Variants in MYO1D observed in about 807,000 individuals in gnomAD.
The protein encoded by MYO1D is unconventional myosin-Id.
MYO1D carries 83 observed loss-of-function variants against 122.0 expected under a neutral mutation model. The ratio of observed to expected loss-of-function variants is 0.68; its 90% CI spans 0.57 to 0.82. The LOEUF is 0.82. Ranked by LOEUF, MYO1D falls within the 40% of genes least tolerant of loss-of-function variation. The pLI, the probability that MYO1D is intolerant of heterozygous loss-of-function variation, is 0.00. For synonymous variants in MYO1D, 464 were observed against 446.9 expected (o/e 1.04, Z -0.48); for missense variants, 1,157 against 1,269.5 (o/e 0.91, Z 1.35).
intron 21 of MYO1D, among the ~76,000 whole-genome samples, chr17:32,538,361 T>C (rs974851778): frequency 1.3e-5 from 2 of 151,778 alleles, no homozygotes; most frequent in South Asian, 2.1e-4. Flanking sequence ...CATAGCTCAC[T>C]GTAACCTTGA....
At chr17:32,500,558 T>A (rs1167132947) in intron 21 of MYO1D, among the ~76,000 whole-genome samples, 1 of 151,846 alleles carries the variant, frequency 6.6e-6, no homozygotes, top group Non-Finnish European at 1.5e-5. Flanking sequence ...GCTGTGACGT[T>A]TGGGCAGAAG....
rs561416987 is a variant in MYO1D at position 32,778,387 on chromosome 17, C to T, written c.398+93G>A. 228 of 1,248,492 alleles carry T rather than the reference C, an allele frequency of 1.8e-4. 2 individuals carry two copies. In the South Asian group the frequency reaches 2.8e-3, roughly 15 times the overall value. 77.3% of individuals were successfully genotyped at this position (1,248,492 alleles called of 1,614,324 possible). A position where few individuals can be genotyped will look rare whatever the true frequency, so the allele number is the denominator to read the frequency against. ...ATGCTCAGCCCATAGGTTTAGACCC[C>T]CAAAATGCTCAACCCCTAGAGTTTA... On this transcript the variant is annotated intron_variant, in intron 3 of 21. Coordinates refer to ENST00000318217, the MANE Select transcript of MYO1D (RefSeq NM_015194.3).
At chr17:32,563,720 A>G (rs1182682840) in intron 21 of MYO1D, among the ~76,000 whole-genome samples, 1 of 152,208 alleles carries the variant, frequency 6.6e-6, no homozygotes, top group African/African-American at 2.4e-5. Flanking sequence ...TCAACAGTAC[A>G]CTGAGTTCTA....
At chr17:32,684,320 G>A (rs987974776) in intron 16 of MYO1D, 2 of 152,192 alleles carry the variant, frequency 1.3e-5, no homozygotes, top group Non-Finnish European at 2.9e-5. Context: ...CTGAATGCTT[G>A]CCTCGCTCAG....
intron 10 of MYO1D, among the ~76,000 whole-genome samples, chr17:32,758,704 C>T (rs564432146): frequency 3.3e-5 from 5 of 152,084 alleles, no homozygotes; most frequent in African/African-American, 1.2e-4. Flanking sequence ...TTAAAATTTT[C>T]CATAATAAAA....
intron 21 of MYO1D, among the ~76,000 whole-genome samples, chr17:32,592,197 C>T (rs28485401): frequency 0.051 from 7,717 of 152,246 alleles, 651 homozygotes; most frequent in African/African-American, 0.17. Context: ...AATGGTTTAG[C>T]ACCAGGTTCC....
chr17:32,857,472 C>G (rs1350742027), intron 1 of MYO1D, among the ~76,000 whole-genome samples: 1 of 151,768 alleles, frequency 6.6e-6, no homozygotes, highest in Non-Finnish European at 1.5e-5. Context: ...GTAGTCCCAG[C>G]TACTCAGGAG....
At chr17:32,765,305 T>G (rs2090044349) in intron 7 of MYO1D, among the ~76,000 whole-genome samples, 1 of 152,178 alleles carries the variant, frequency 6.6e-6, no homozygotes, top group African/African-American at 2.4e-5. Flanking sequence ...AAGTTTTACA[T>G]TTTTATGTAA....
At chr17:32,677,580 A>AATATAT (rs10523328) in intron 16 of MYO1D, among the ~76,000 whole-genome samples, 1,833 of 134,966 alleles carry the variant, frequency 0.014, 31 homozygotes, top group East Asian at 0.018. Flanking sequence ...TAGATAGATA[A>AATATAT]ATATATATAT....
At chr17:32,753,168 T>C (rs1329755439) in intron 11 of MYO1D, among the ~76,000 whole-genome samples, 2 of 152,146 alleles carry the variant, frequency 1.3e-5, no homozygotes, top group Non-Finnish European at 2.9e-5. Flanking sequence ...TGAAATAATG[T>C]ACATTTTCGC....
At chr17:32,633,109 G>A (rs944596942) in intron 20 of MYO1D, among the ~76,000 whole-genome samples, 1 of 151,832 alleles carries the variant, frequency 6.6e-6, no homozygotes, top group African/African-American at 2.4e-5. Context: ...CACATGTGAA[G>A]TTCAGCTCAA....
chr17:32,612,696 C>CAAAA (rs1158470135), intron 20 of MYO1D, among the ~76,000 whole-genome samples: 18 of 104,592 alleles, frequency 1.7e-4, no homozygotes, highest in Admixed American at 2.3e-4. Context: ...AAAAAAAAAA[C>CAAAA]AAAAAAAAAA....
chr17:32,869,072 A>C (rs1598169530), intron 1 of MYO1D, among the ~76,000 whole-genome samples: 1 of 149,850 alleles, frequency 6.7e-6, no homozygotes. Context: ...AAAAAAAATT[A>C]GCTGGGAGTG....
rs559175767 is a variant in MYO1D at position 32,788,937 on chromosome 17, T to C, written c.96-8153A>G. ...CATCTAATATTTCTTTCACAAGTGC[T>C]TTGTAGTTTTCCTTGCAATCTTTCA... On this transcript the variant is annotated intron_variant, in intron 1 of 21. Coordinates refer to ENST00000318217, the MANE Select transcript of MYO1D (RefSeq NM_015194.3). Among the ~76,000 whole-genome samples, 22 of 152,330 alleles carry C rather than the reference T, an allele frequency of 1.4e-4. 2 individuals are homozygous for C. The South Asian group carries it at 4.6e-3, about 32-fold the overall frequency.
intron 14 of MYO1D, among the ~76,000 whole-genome samples, chr17:32,734,097 G>A (rs1461135783): frequency 1.3e-5 from 2 of 152,226 alleles, no homozygotes; most frequent in East Asian, 3.9e-4. Context: ...CTCCACAAAG[G>A]TTTTATAAAA....
intron 15 of MYO1D, among the ~76,000 whole-genome samples, chr17:32,714,757 C>T (rs1200070777): frequency 6.6e-6 from 1 of 152,084 alleles, no homozygotes; most frequent in East Asian, 1.9e-4. Context: ...AGGATACAGG[C>T]ATGGGCAAAG....
chr17:32,696,747 T>C (rs1185675676), intron 16 of MYO1D, among the ~76,000 whole-genome samples: 2 of 152,286 alleles, frequency 1.3e-5, no homozygotes, highest in African/African-American at 4.8e-5. Flanking sequence ...ATGGAAAGGC[T>C]GTTTTAGTAA....
intron 16 of MYO1D, among the ~76,000 whole-genome samples, chr17:32,699,166 T>A (rs1369110009): frequency 2.0e-5 from 3 of 152,036 alleles, no homozygotes; most frequent in African/African-American, 7.2e-5. Flanking sequence ...GGTTTCACCA[T>A]GTTGGCCAGG....
chr17:32,611,353 T>C (rs1297869436), intron 20 of MYO1D, among the ~76,000 whole-genome samples: 1 of 152,106 alleles, frequency 6.6e-6, no homozygotes, highest in East Asian at 1.9e-4. Flanking sequence ...TAAAGAATAA[T>C]AGAAGAAAAC....
Sources: gnomAD v4.1 joint callset for allele counts (sites outside exome capture counted in the v4.1 genomes callset) on GRCh38, gnomAD v4.1.1 for gene constraint, MANE v1.5 for transcripts, NCBI Gene and HGNC (gene_info 2026-07-23, HGNC 2026-07-21) for gene names.